Variants in LRRCC1 observed in about 807,000 individuals in gnomAD.
LRRCC1 encodes the protein leucine-rich repeat and coiled-coil domain-containing protein 1.
A neutral mutation model predicts 126.0 loss-of-function variants in LRRCC1; 115 were observed. That is an observed-to-expected ratio of 0.91 (90% CI 0.78 to 1.07). The LOEUF is 1.07. LRRCC1 is among the 50% of genes least tolerant of loss of function. The pLI, the probability that LRRCC1 is intolerant of heterozygous loss-of-function variation, is 0.00. For missense variants in LRRCC1, 1,172 were observed against 1,175.7 expected, an observed-to-expected ratio of 1.00 and a Z score of 0.05; for synonymous variants, 400 against 393.4, an observed-to-expected ratio of 1.02 and a Z score of -0.20.
chr8:85,132,640 G>T (rs903684859), intron 12 of LRRCC1, among the ~76,000 whole-genome samples: 6 of 152,120 alleles, frequency 3.9e-5, no homozygotes, highest in Non-Finnish European at 1.5e-5. Flanking sequence ...TGATCCGCCT[G>T]CCTCGGCCTC....
chr8:85,115,018 T>C (rs1206363582), intron 4 of LRRCC1, 82 bp from the exon 5 acceptor site: 1 of 1,062,914 alleles, frequency 9.4e-7, no homozygotes, highest in African/African-American at 1.6e-5. Flanking sequence ...ATGTATCTGG[T>C]AGCTGATAAA....
At chr8:85,125,900 A>G (rs1005395714) in intron 8 of LRRCC1, among the ~76,000 whole-genome samples, 3 of 152,088 alleles carry the variant, frequency 2.0e-5, no homozygotes, top group African/African-American at 7.2e-5. Context: ...ATATTGAAAA[A>G]TAATAATTAT....
intron 7 of LRRCC1, among the ~76,000 whole-genome samples, chr8:85,124,231 C>T (rs1809786731): frequency 6.6e-6 from 1 of 152,102 alleles, no homozygotes; most frequent in Admixed American, 6.5e-5. Flanking sequence ...CTGTAATTCT[C>T]CTTTTGCAAA....
chr8:85,109,292 T>G (rs1808505222), intron 1 of LRRCC1: 1 of 308,676 alleles, frequency 3.2e-6, no homozygotes, highest in African/African-American at 2.1e-5. Context: ...GCCTTTACAG[T>G]TATTGACTAC....
At chr8:85,137,858 T>C (rs763579995) in intron 15 of LRRCC1, among the ~76,000 whole-genome samples, 177 bp from the exon 16 acceptor site, 1 of 152,180 alleles carries the variant, frequency 6.6e-6, no homozygotes, top group Non-Finnish European at 1.5e-5. Context: ...AATCTTATTA[T>C]GGCCTTTGGA....
chr8:85,141,528 T>C lies in LRRCC1; in HGVS notation c.2976+11T>C. The C allele has an allele frequency of 5.7e-6, 9 of 1,579,852 alleles. No individual in the cohort carries two copies. The highest frequency in any genetic ancestry group is 7.8e-6 in the Non-Finnish European group (9 of 1,156,646). ...TCTGCAAATTTAAAGGTATTGTAAG[T>C]AAAATTCACTTCAATAATCAGTATA... On this transcript the variant is annotated intron_variant, in intron 18 of 18. Coordinates refer to ENST00000360375, the MANE Select transcript of LRRCC1 (RefSeq NM_033402.5).
intron 9 of LRRCC1, 69 bp downstream of exon 9, chr8:85,126,906 C>A: frequency 7.6e-7 from 1 of 1,312,536 alleles, no homozygotes; most frequent in Non-Finnish European, 1.0e-6. Context: ...AACTGGAATA[C>A]ATTAGTTTCA....
intron 8 of LRRCC1, among the ~76,000 whole-genome samples, chr8:85,125,806 C>T (rs1809950369): frequency 6.6e-6 from 1 of 150,914 alleles, no homozygotes; most frequent in African/African-American, 2.4e-5. Flanking sequence ...CCTTATATTA[C>T]TTGTGTATTG....
intron 6 of LRRCC1, among the ~76,000 whole-genome samples, chr8:85,116,681 C>G (rs1323482089): frequency 6.6e-6 from 1 of 152,124 alleles, no homozygotes; most frequent in African/African-American, 2.4e-5. Flanking sequence ...ACCTCTATAA[C>G]TAAATTTTCT....
rs778985291 is a variant in LRRCC1 at position 85,107,407 on chromosome 8, G to A, written c.104+8G>A. 2 of 1,600,418 alleles carry A rather than the reference G, an allele frequency of 1.2e-6. No homozygotes were observed. The highest frequency in any genetic ancestry group is 1.7e-6 in the Non-Finnish European group (2 of 1,170,396). ...GGACAAAGGCTTGCAGAGGTAAAGGGCGCTCCGCAGCCAGGAGCGACCCGC... is the reference window on the plus strand; with the variant it reads ...GGACAAAGGCTTGCAGAGGTAAAGGACGCTCCGCAGCCAGGAGCGACCCGC... On this transcript the variant is annotated splice_region_variant and intron_variant, in intron 1 of 18. Transcript: ENST00000360375.
intron 6 of LRRCC1, among the ~76,000 whole-genome samples, chr8:85,116,251 G>A (rs1809117001): frequency 6.6e-6 from 1 of 152,126 alleles, no homozygotes; most frequent in South Asian, 2.1e-4. Flanking sequence ...CTATCTGACT[G>A]CAATAGATTA....
chr8:85,120,317 G>A (rs566020431), intron 6 of LRRCC1, among the ~76,000 whole-genome samples: 4 of 151,810 alleles, frequency 2.6e-5, no homozygotes, highest in African/African-American at 7.2e-5. Flanking sequence ...GAGGTGGGGG[G>A]GTTGATCTAG....
In LRRCC1 at chr8:85,131,978, A is replaced by T; in HGVS notation, c.1968+17A>T. On this transcript the variant is annotated intron_variant, in intron 12 of 18. Coordinates refer to ENST00000360375, the MANE Select transcript of LRRCC1 (RefSeq NM_033402.5). ...TTTCAAGATGTAAGAATTGGCACCCAGCTTTTTATTGAAAACAGAATCAGT... is the reference window on the plus strand; with the variant it reads ...TTTCAAGATGTAAGAATTGGCACCCTGCTTTTTATTGAAAACAGAATCAGT... 6.3e-7 allele frequency: 1 copy of T among 1,597,324 alleles called. No individual in the cohort carries two copies. The highest frequency in any genetic ancestry group is 1.1e-5 in the South Asian group (1 of 87,926).
chr8:85,122,262 G>A (rs1809618031), intron 6 of LRRCC1, among the ~76,000 whole-genome samples: 1 of 151,958 alleles, frequency 6.6e-6, no homozygotes, highest in Non-Finnish European at 1.5e-5. Flanking sequence ...TCCTGCTTGG[G>A]GTTTCTCTAT....
chr8:85,109,756 T>A lies in LRRCC1; in HGVS notation c.266T>A (p.Leu89Gln). ...GAAGGACTAAACACACTGACAAAAC[T>A]GTGCACATTAAATTTGTCCTGCAAT... ...RIEGLNTLTK[L>Q]CTLNLSCNLI... Residue 89 changes from leucine (L) to glutamine (Q), a missense_variant, in exon 2 of 19, where the codon CTG becomes CAG. Leu to Gln is a moderately radical substitution (Grantham distance 113, BLOSUM62 -2). Transcript: ENST00000360375. The A allele has an allele frequency of 6.3e-7, 1 of 1,594,668 alleles. No individual in the cohort carries two copies. The highest frequency in any genetic ancestry group is 8.6e-7 in the Non-Finnish European group (1 of 1,168,846).
intron 9 of LRRCC1, 65 bp downstream of exon 9, chr8:85,126,902 A>G (rs1810054190): frequency 1.5e-6 from 2 of 1,359,248 alleles, no homozygotes; most frequent in Admixed American, 4.3e-5. Flanking sequence ...TTAGAACTGG[A>G]ATACATTAGT....
chr8:85,120,319 T>A (rs1587389876), intron 6 of LRRCC1, among the ~76,000 whole-genome samples: 1 of 151,978 alleles, frequency 6.6e-6, no homozygotes, highest in African/African-American at 2.4e-5. Flanking sequence ...GGTGGGGGGG[T>A]TGATCTAGTT....
chr8:85,115,066 T>C (rs781163742), intron 4 of LRRCC1, 34 bp from the exon 5 acceptor site: 2 of 1,490,812 alleles, frequency 1.3e-6, no homozygotes, highest in East Asian at 2.3e-5. Context: ...TTTTTTAATA[T>C]TTCAGTTTTC....
chr8:85,126,399 A>G (rs1339693960), intron 8 of LRRCC1, among the ~76,000 whole-genome samples: 2 of 152,070 alleles, frequency 1.3e-5, no homozygotes, highest in African/African-American at 4.8e-5. Context: ...TCTACTAAAA[A>G]TACAAAAAAA....
Sources: gnomAD v4.1 joint callset for allele counts (sites outside exome capture counted in the v4.1 genomes callset) on GRCh38, gnomAD v4.1.1 for gene constraint, MANE v1.5 for transcripts, NCBI Gene and HGNC (gene_info 2026-07-23, HGNC 2026-07-21) for gene names.